Variants in ITGAX observed in about 807,000 individuals in gnomAD.
ITGAX encodes the protein integrin subunit alpha X.
ITGAX carries 99 observed loss-of-function variants against 140.2 expected under a neutral mutation model. The observed-to-expected ratio is 0.71, with a 90% confidence interval of 0.60 to 0.83. ITGAX has a LOEUF of 0.83. Ranked by LOEUF, ITGAX falls within the 40% of genes least tolerant of loss-of-function variation. ITGAX has a pLI of 0.00. For missense variants in ITGAX, 1,444 were observed against 1,482.0 expected (o/e 0.97, Z 0.42); for synonymous variants, 631 against 600.4 (o/e 1.05, Z -0.75).
chr16:31,372,578 C>T lies in ITGAX; in HGVS notation c.2293-19C>T. 1 of 1,614,126 alleles carries T rather than the reference C, an allele frequency of 6.2e-7. No individual in the cohort carries two copies. The highest frequency in any genetic ancestry group is 8.5e-7 in the Non-Finnish European group (1 of 1,179,974). On this transcript the variant is annotated intron_variant, in intron 18 of 29. Coordinates refer to ENST00000268296, the MANE Select transcript of ITGAX (RefSeq NM_000887.5). ...GGGCCTGGGTCTCGGAGAAAACCCCCCGTTGCCTTCCCACGCAGCTACCCT... is the reference window on the plus strand; with the variant it reads ...GGGCCTGGGTCTCGGAGAAAACCCCTCGTTGCCTTCCCACGCAGCTACCCT...
intron 5 of ITGAX, among the ~76,000 whole-genome samples, chr16:31,359,389 C>G (rs944041562): frequency 6.6e-6 from 1 of 152,202 alleles, no homozygotes; most frequent in African/African-American, 2.4e-5. Context: ...TGGTCTCGAT[C>G]TCCTGACCTC....
Position 31,361,840 on chromosome 16 carries a change from G to C in ITGAX, c.1017G>C (p.Thr339=), listed in dbSNP as rs751433732. ...LKEKIFAIEG[T]ETTSSSSFEL... ...AAGCGTCATGCCTTCCCCCAGGTAC[G>C]GAGACCACAAGCAGTAGCTCCTTCG... The change falls in exon 10 of 30, where the codon ACG becomes ACC. Residue 339 remains threonine, a synonymous_variant. Transcript: ENST00000268296. 6 of 1,613,980 alleles carry C rather than the reference G, an allele frequency of 3.7e-6. No homozygotes were observed. The highest frequency in any genetic ancestry group is 4.2e-6 in the Non-Finnish European group (5 of 1,179,974).
chr16:31,357,240 G>T lies in ITGAX; in HGVS notation c.319-13G>T, dbSNP rs745832842. The T allele has an allele frequency of 2.5e-6, 4 of 1,586,040 alleles. No individual in the cohort carries two copies. Among genetic ancestry groups the T allele is most frequent in the East Asian group, 2.3e-5 (1 of 43,710 alleles). On this transcript the variant is annotated splice_polypyrimidine_tract_variant and intron_variant, in intron 4 of 29. Transcript: ENST00000268296. ...AGCAGGGGCAGCCCCCCAGCAGCCC[G>T]CTGTGTCCCCAGGCCTGCGGCCCCA...
intron 8 of ITGAX, chr16:31,360,817 C>G: frequency 1.9e-6 from 1 of 531,076 alleles, no homozygotes; most frequent in Non-Finnish European, 3.3e-6. Flanking sequence ...CCAACAACAT[C>G]CCTTTCAAGG....
intron 20 of ITGAX, among the ~76,000 whole-genome samples, chr16:31,374,121 T>C (rs2080998280): frequency 6.6e-6 from 1 of 152,114 alleles, no homozygotes; most frequent in Non-Finnish European, 1.5e-5. Flanking sequence ...AAACCCCATC[T>C]CTACGAAAAA....
intron 14 of ITGAX, among the ~76,000 whole-genome samples, chr16:31,369,559 G>A (rs2080934396): frequency 6.6e-6 from 1 of 152,216 alleles, no homozygotes; most frequent in Non-Finnish European, 1.5e-5. Context: ...AGTTGCCACT[G>A]TGATCAGTCA....
rs1308807059 is a variant in ITGAX, at chr16:31,371,218, A to G, written c.1841+4A>G. 1.2e-5 allele frequency: 20 copies of G among 1,604,648 alleles called. No homozygotes were observed. The highest frequency in any genetic ancestry group is 1.7e-5 in the Non-Finnish European group (20 of 1,174,726). On this transcript the variant is annotated splice_donor_region_variant and intron_variant, in intron 15 of 29. Transcript: ENST00000268296. ...GGGGCCAGGTGCTCCTGCTCAGGTG[A>G]GAGCAGCCTTTCTCAGAGGCTCCCC...
rs61761295 is a variant in ITGAX, at chr16:31,357,258, C to T, written c.324C>T (p.Cys108=). Residue 108 remains cysteine (C), a synonymous_variant, in exon 5 of 30, where the codon TGC becomes TGT. Coordinates refer to ENST00000268296, the MANE Select transcript of ITGAX (RefSeq NM_000887.5). The stretch of plus-strand genomic sequence containing the variant: ...GCAGCCCGCTGTGTCCCCAGGCCTG[C>T]GGCCCCACCGTGCACCACGAGTGCG... The part of the protein sequence containing the change: ...STTSPSQLLA[C]GPTVHHECGR... 3.7e-6 allele frequency: 6 copies of T among 1,601,058 alleles called. No individual in the cohort carries two copies. The highest frequency in any genetic ancestry group is 2.3e-5 in the East Asian group (1 of 44,170).
At chr16:31,361,633 G>A (rs149013359) in intron 9 of ITGAX, 24 of 734,426 alleles carry the variant, frequency 3.3e-5, no homozygotes, top group Admixed American at 1.3e-4. Context: ...GGACCAGATC[G>A]GTGCTGCCAT....
intron 9 of ITGAX, 78 bp from the exon 10 acceptor site, chr16:31,361,758 C>A: frequency 7.0e-7 from 1 of 1,433,346 alleles, no homozygotes; most frequent in Non-Finnish European, 9.8e-7. Context: ...GTCTTAGCTT[C>A]TCCTAAAGCT....
At position 31,380,392 on chromosome 16, in the gene ITGAX, A is replaced by G. The variant is rs767881947; in HGVS notation, c.3174+13A>G. 5 of 1,613,258 alleles carry G rather than the reference A, an allele frequency of 3.1e-6. No individual in the cohort carries two copies. Among genetic ancestry groups the G allele is most frequent in the Non-Finnish European group, 4.2e-6 (5 of 1,179,572 alleles). On this transcript the variant is annotated intron_variant, in intron 27 of 29. Transcript: ENST00000268296. ...CTGGGTCCGCCAGGTGTGTGGGTGC[A>G]ACGACAGAGCCCCTGCCCCAGACTC...
In ITGAX at chr16:31,371,187, G is replaced by A. The variant is rs753151702; in HGVS notation, c.1814G>A (p.Gly605Glu). 1.9e-5 allele frequency: 30 copies of A among 1,610,948 alleles called. No homozygotes were observed. Among genetic ancestry groups the A allele is most frequent in the South Asian group, 5.5e-5 (5 of 90,786 alleles). Residue 605 changes from glycine (G) to glutamate (E), a missense_variant, in exon 15 of 30, where the codon GGG becomes GAG. Gly to Glu is a moderately conservative substitution (Grantham distance 98). Transcript: ENST00000268296. ...TQDGLVDLAV[G>E]ARGQVLLLRT... ...GATGGACTGGTGGACCTGGCTGTGGGGGCCCGGGGCCAGGTGCTCCTGCTC... is the reference window on the plus strand; with the variant it reads ...GATGGACTGGTGGACCTGGCTGTGGAGGCCCGGGGCCAGGTGCTCCTGCTC...
chr16:31,374,808 A>G (rs997421876), intron 20 of ITGAX, among the ~76,000 whole-genome samples: 3 of 152,212 alleles, frequency 2.0e-5, no homozygotes, highest in African/African-American at 7.2e-5. Flanking sequence ...TCACTCTGCT[A>G]TGGTTTGAAT....
Position 31,382,249 on chromosome 16 carries a change from C to CTTTTTTTTTTTTTTTTTTTTTTTTTT in ITGAX, c.*356_*357insTTTTTTTTTTTTTTTTTTTTTTTTTT. On this transcript the variant is annotated 3_prime_UTR_variant, in exon 30 of 30. Coordinates refer to ENST00000268296, the MANE Select transcript of ITGAX (RefSeq NM_000887.5). ...CTTTCTTTTTTTTTTTTTTTCTTTT[C>CTTTTTTTTTTTTTTTTTTTTTTTTTT]TTTTTTTTTTTTTTGAGACGGAGTC... 1 of 658,768 alleles carries CTTTTTTTTTTTTTTTTTTTTTTTTTT rather than the reference C, an allele frequency of 1.5e-6. No individual in the cohort carries two copies. Among genetic ancestry groups the CTTTTTTTTTTTTTTTTTTTTTTTTTT allele is most frequent in the Non-Finnish European group, 1.9e-6 (1 of 533,366 alleles). 40.8% of individuals were successfully genotyped at this position (658,768 alleles called of 1,614,324 possible).
At position 31,357,053 on chromosome 16, in the gene ITGAX, G is replaced by A. The variant is rs1179509564; in HGVS notation, c.270G>A (p.Met90Ile). The A allele has an allele frequency of 1.9e-6, 3 of 1,610,426 alleles. No homozygotes were observed. The East Asian group carries it at 6.7e-5, about 36-fold the overall frequency. Reference protein sequence around the residue: ...GLQVPPEAVNMSLGLSLASTT... With the variant: ...GLQVPPEAVNISLGLSLASTT... ...CAGTGCCCCCGGAGGCCGTGAACAT[G>A]TCCCTGGGCCTGTCCCTGGCGTCTA... The change falls in exon 4 of 30, where the codon ATG (methionine) becomes ATA (isoleucine). Residue 90 changes from methionine (M) to isoleucine (I), a missense_variant. Physicochemically the swap from Met to Ile is conservative, Grantham distance 10. Transcript: ENST00000268296.
intron 16 of ITGAX, 60 bp from the exon 17 acceptor site, chr16:31,371,570 C>G (rs912837065): frequency 6.2e-7 from 1 of 1,610,894 alleles, no homozygotes; most frequent in Non-Finnish European, 8.5e-7. Flanking sequence ...TGTCTCCCAC[C>G]CTGCTCATTG....
intron 14 of ITGAX, among the ~76,000 whole-genome samples, chr16:31,369,063 C>G (rs1041581142): frequency 1.3e-5 from 2 of 152,310 alleles, no homozygotes; most frequent in Middle Eastern, 3.4e-3. Context: ...CACCTTTCCC[C>G]CCTTTCGATT....
chr16:31,370,266 C>T (rs981786262), intron 14 of ITGAX, among the ~76,000 whole-genome samples: 1 of 152,120 alleles, frequency 6.6e-6, no homozygotes, highest in East Asian at 1.9e-4. Flanking sequence ...ATTATTATCA[C>T]TTTTAATGGC....
At position 31,362,656 on chromosome 16, in the gene ITGAX, TC is replaced by T; in HGVS notation, c.1264del (p.Leu422TrpfsTer24). 6.2e-7 allele frequency: 1 copy of T among 1,613,412 alleles called. No individual in the cohort carries two copies. The highest frequency in any genetic ancestry group is 8.5e-7 in the Non-Finnish European group (1 of 1,179,768). ...LALWKGVQSL[V>X]LGAPRYQHTG... The stretch of plus-strand genomic sequence containing the variant: ...CTCTGGAAAGGGGTGCAGAGCCTGG[TC>T]CTGGGGGCCCCCCGCTACCAGCACA... On this transcript the variant is annotated frameshift_variant, in exon 12 of 30. Coordinates refer to ENST00000268296, the MANE Select transcript of ITGAX (RefSeq NM_000887.5). LOFTEE classifies it high-confidence loss of function.
Sources: gnomAD v4.1 joint callset for allele counts (sites outside exome capture counted in the v4.1 genomes callset) on GRCh38, gnomAD v4.1.1 for gene constraint, MANE v1.5 for transcripts, NCBI Gene and HGNC (gene_info 2026-07-23, HGNC 2026-07-21) for gene names.